Variants in SIAH3 observed in about 807,000 individuals in gnomAD.
SIAH3 encodes siah E3 ubiquitin protein ligase family member 3.
Under a neutral mutation model 12.6 loss-of-function variants are expected in SIAH3, and 9 were observed. The observed-to-expected ratio is 0.72, with a 90% CI of 0.43 to 1.25. The LOEUF (loss-of-function observed/expected upper bound fraction) is 1.25. Among genes scored for constraint, SIAH3 ranks in the 50% most tolerant of loss-of-function variants. The probability of loss-of-function intolerance (pLI) is 0.00; values close to 1 mark genes in which losing one functional copy is unlikely to be tolerated. For synonymous variants in SIAH3, 154 were observed against 151.1 expected (o/e 1.02, Z -0.14); for missense variants, 390 against 365.4 (o/e 1.07, Z -0.55).
intron 1 of SIAH3, among the ~76,000 whole-genome samples, chr13:45,839,503 T>C (rs770621975): frequency 1.3e-5 from 2 of 152,182 alleles, no homozygotes; most frequent in Non-Finnish European, 2.9e-5. Flanking sequence ...TTACATAAAG[T>C]TGTGTCAAAG....
chr13:45,844,438 C>T (rs1293620107), intron 1 of SIAH3, among the ~76,000 whole-genome samples: 1 of 152,144 alleles, frequency 6.6e-6, no homozygotes, highest in Non-Finnish European at 1.5e-5. Flanking sequence ...AGCTCACCAG[C>T]CTTTGGACTC....
intron 1 of SIAH3, among the ~76,000 whole-genome samples, chr13:45,813,640 A>T (rs1950623843): frequency 6.6e-6 from 1 of 152,172 alleles, no homozygotes; most frequent in South Asian, 2.1e-4. Flanking sequence ...CTTTTGCACC[A>T]ACCTAATATT....
chr13:45,818,724 G>C (rs1314309171), intron 1 of SIAH3, among the ~76,000 whole-genome samples: 1 of 152,146 alleles, frequency 6.6e-6, no homozygotes, highest in Non-Finnish European at 1.5e-5. Context: ...GAGCGATTGT[G>C]ATGGCATTTA....
rs1294200064 is a variant in SIAH3 at position 45,779,637 on chromosome 13, C to CA, written c.*3745dup. The CA allele has an allele frequency of 6.6e-6, 1 of 152,164 alleles. No homozygotes were observed. The highest frequency in any genetic ancestry group is 1.5e-5 in the Non-Finnish European group (1 of 68,040). The allele number at this position is 152,164 out of a possible 1,614,324, so 9.4% of individuals were successfully genotyped here. ...CTAAATTCTCTTAGCTTACGTTTCC[C>CA]ACCCGTAACATGAATACAATAAAGA... On this transcript the variant is annotated 3_prime_UTR_variant, in exon 2 of 2. Transcript: ENST00000400405.
At chr13:45,792,495 T>C (rs1323862783) in intron 1 of SIAH3, among the ~76,000 whole-genome samples, 1 of 152,050 alleles carries the variant, frequency 6.6e-6, no homozygotes, top group Non-Finnish European at 1.5e-5. Flanking sequence ...GTAGCTGGGA[T>C]TACAGACAGG....
intron 1 of SIAH3, among the ~76,000 whole-genome samples, chr13:45,838,774 C>T (rs1034925416): frequency 6.6e-5 from 10 of 151,930 alleles, no homozygotes; most frequent in Non-Finnish European, 8.8e-5. Context: ...GTGATTTTCC[C>T]TCCTTGGCTC....
intron 1 of SIAH3, among the ~76,000 whole-genome samples, chr13:45,807,504 A>G (rs530962730): frequency 6.6e-6 from 1 of 152,318 alleles, no homozygotes; most frequent in Non-Finnish European, 1.5e-5. Context: ...TATTTATTAG[A>G]TTTAGTAGAG....
At chr13:45,784,475 T>C (rs1348236120) in intron 1 of SIAH3, among the ~76,000 whole-genome samples, 1 of 151,862 alleles carries the variant, frequency 6.6e-6, no homozygotes, top group Non-Finnish European at 1.5e-5. Context: ...CAATAGATTT[T>C]TTTTTTCTAT....
intron 1 of SIAH3, among the ~76,000 whole-genome samples, chr13:45,827,035 T>A (rs539466583): frequency 6.6e-6 from 1 of 152,270 alleles, no homozygotes; most frequent in South Asian, 2.1e-4. Flanking sequence ...GGCTAACAGC[T>A]CTTTAGTTTC....
Position 45,849,245 on chromosome 13 carries a change from C to T in SIAH3, c.135+2250G>A, listed in dbSNP as rs183904702. ...GCTTTGTTTATCTGGGGTGATGTTC[C>T]TCTGAGCAAAATCCATAAGTGGTTT... On this transcript the variant is annotated intron_variant, in intron 1 of 1. Coordinates refer to ENST00000400405, the MANE Select transcript of SIAH3 (RefSeq NM_198849.3). Among the ~76,000 whole-genome samples the T allele has an allele frequency of 5.3e-5, 8 of 152,256 alleles. No homozygotes were observed. The East Asian group carries it at 1.4e-3, about 26-fold the overall frequency.
intron 1 of SIAH3, among the ~76,000 whole-genome samples, chr13:45,820,364 G>A (rs1350023723): frequency 3.3e-5 from 5 of 152,158 alleles, no homozygotes; most frequent in Admixed American, 6.5e-5. Flanking sequence ...GAGATGGGAC[G>A]AGAAGGGTCT....
At chr13:45,811,511 G>A (rs1345540397) in intron 1 of SIAH3, among the ~76,000 whole-genome samples, 1 of 152,138 alleles carries the variant, frequency 6.6e-6, no homozygotes, top group Non-Finnish European at 1.5e-5. Context: ...TGCCCAGGCT[G>A]GAATGCCGTG....
At chr13:45,817,825 A>G (rs188765046) in intron 1 of SIAH3, among the ~76,000 whole-genome samples, 28 of 152,326 alleles carry the variant, frequency 1.8e-4, no homozygotes, top group Admixed American at 3.9e-4. Flanking sequence ...TGCTATTCCC[A>G]TTCTAGAGAT....
intron 1 of SIAH3, among the ~76,000 whole-genome samples, chr13:45,826,492 G>C (rs9316166): frequency 4.4e-5 from 6 of 135,906 alleles, no homozygotes; most frequent in African/African-American, 1.3e-4. Flanking sequence ...TGGATGGATG[G>C]GTGGGTGGAT....
At chr13:45,846,730 C>T (rs1410375151) in intron 1 of SIAH3, among the ~76,000 whole-genome samples, 1 of 152,210 alleles carries the variant, frequency 6.6e-6, no homozygotes, top group Admixed American at 6.5e-5. Flanking sequence ...GAGAATTCCA[C>T]CAAATTTGCT....
rs549513839 is a variant in SIAH3, at chr13:45,800,056, C to T, written c.136-15999G>A. ...ACTTAATTTTTTCTGATTAGGAGATCATGTATTCTCATCACAAAATATTTA... is the reference window on the plus strand; with the variant it reads ...ACTTAATTTTTTCTGATTAGGAGATTATGTATTCTCATCACAAAATATTTA... On this transcript the variant is annotated intron_variant, in intron 1 of 1. Transcript: ENST00000400405. Among the ~76,000 whole-genome samples, 5 of 152,192 alleles carry T rather than the reference C, an allele frequency of 3.3e-5. No homozygotes were observed. The South Asian group carries it at 1.0e-3, about 32-fold the overall frequency.
intron 1 of SIAH3, among the ~76,000 whole-genome samples, chr13:45,802,142 C>T (rs576760302): frequency 1.3e-5 from 2 of 152,110 alleles, no homozygotes; most frequent in South Asian, 2.1e-4. Flanking sequence ...CCCATCTCTA[C>T]TAAAAATACA....
chr13:45,785,139 C>T (rs1407165530), intron 1 of SIAH3, among the ~76,000 whole-genome samples: 1 of 152,176 alleles, frequency 6.6e-6, no homozygotes, highest in Non-Finnish European at 1.5e-5. Flanking sequence ...CAAGAGCACA[C>T]CCCCATCCAG....
intron 1 of SIAH3, among the ~76,000 whole-genome samples, chr13:45,825,861 G>A (rs1182291335): frequency 6.6e-6 from 1 of 152,128 alleles, no homozygotes; most frequent in Non-Finnish European, 1.5e-5. Context: ...CCTAGGCCTT[G>A]TTCTCTGAGT....
Sources: gnomAD v4.1 joint callset for allele counts (sites outside exome capture counted in the v4.1 genomes callset) on GRCh38, gnomAD v4.1.1 for gene constraint, MANE v1.5 for transcripts, NCBI Gene and HGNC (gene_info 2026-07-23, HGNC 2026-07-21) for gene names.